UPRT: variants seen among roughly 807,000 people sequenced by gnomAD.
The protein encoded by UPRT is RP11-311P8.3.
UPRT carries 5 observed loss-of-function variants against 22.6 expected under a neutral mutation model. That is an observed-to-expected ratio of 0.22 (90% CI 0.12 to 0.47). UPRT has a LOEUF of 0.47. Among genes scored for constraint, UPRT ranks in the 20% least tolerant of loss-of-function variants. UPRT has a pLI of 0.99. For synonymous variants in UPRT, 77 were observed against 87.7 expected (o/e 0.88, Z 0.68); for missense variants, 181 against 239.9 (o/e 0.75, Z 1.62).
chrX:75,247,920 T>G (rs1326068891), intron 4 of UPRT, among the ~76,000 whole-genome samples: 1 of 111,832 alleles, frequency 8.9e-6, no homozygotes, highest in Non-Finnish European at 1.9e-5. Flanking sequence ...TTCACCAATA[T>G]CCGCTGTTCT....
chrX:75,240,804 A>C (rs2082486094), intron 4 of UPRT, among the ~76,000 whole-genome samples: 1 of 111,673 alleles, frequency 9.0e-6, no homozygotes, highest in Admixed American at 9.6e-5. Flanking sequence ...ATATTTAACA[A>C]AGCAAACAAA....
intron 4 of UPRT, among the ~76,000 whole-genome samples, chrX:75,172,905 G>A (rs927655890): frequency 2.7e-5 from 3 of 111,108 alleles, no homozygotes; most frequent in East Asian, 2.8e-4. Flanking sequence ...TGTAAAGAGC[G>A]AAAGAACAAA....
Position 75,303,906 on chromosome X carries a change from G to C in UPRT, c.*395G>C, listed in dbSNP as rs1274801037. 1 of 125,981 alleles carries C rather than the reference G, an allele frequency of 7.9e-6. No individual in the cohort carries two copies. Among genetic ancestry groups the C allele is most frequent in the Non-Finnish European group, 1.6e-5 (1 of 63,319 alleles). The allele number at this position is 125,981 out of a possible 1,213,427, so 10.4% of individuals were successfully genotyped here. On this transcript the variant is annotated 3_prime_UTR_variant, in exon 7 of 7. Transcript: ENST00000373383. ...TTAGTTTGGTTTTAGCTCTACTAAG[G>C]TTTCACATATGTGGCTATTGCCACA...
chrX:75,224,449 A>G (rs1490889618), intron 4 of UPRT, among the ~76,000 whole-genome samples: 1 of 109,549 alleles, frequency 9.1e-6, no homozygotes, highest in Non-Finnish European at 1.9e-5. Flanking sequence ...AGTGACCTCT[A>G]TCTCCCTTCC....
At chrX:75,253,217 AAAAC>A (rs943482916) in intron 4 of UPRT, among the ~76,000 whole-genome samples, 2 of 112,204 alleles carry the variant, frequency 1.8e-5, no homozygotes, top group East Asian at 5.6e-4. Flanking sequence ...AAAAAGAATA[AAAAC>A]AAACAACCCA....
At chrX:75,167,734 G>GT (rs1369521348) in intron 3 of UPRT, among the ~76,000 whole-genome samples, 1 of 107,673 alleles carries the variant, frequency 9.3e-6, no homozygotes, top group South Asian at 4.0e-4. Context: ...TTTTAACAGG[G>GT]TTTTTTGGTT....
intron 4 of UPRT, among the ~76,000 whole-genome samples, chrX:75,215,276 C>T (rs1266173614): frequency 9.6e-6 from 1 of 104,165 alleles, no homozygotes; most frequent in East Asian, 3.0e-4. Flanking sequence ...AAAAAAGACA[C>T]AAAATCAATA....
intron 4 of UPRT, among the ~76,000 whole-genome samples, chrX:75,251,158 G>T (rs746492924): frequency 2.7e-5 from 3 of 111,284 alleles, no homozygotes; most frequent in African/African-American, 9.8e-5. Context: ...GTACAAGTCA[G>T]GGATGCCCTC....
At chrX:75,266,840 CTCA>C (rs906205683) in intron 4 of UPRT, among the ~76,000 whole-genome samples, 2 of 111,567 alleles carry the variant, frequency 1.8e-5, no homozygotes, top group African/African-American at 6.5e-5. Context: ...TGAAAAAATG[CTCA>C]TCATCCCTAG....
intron 1 of UPRT, among the ~76,000 whole-genome samples, chrX:75,280,945 T>C (rs1472607950): frequency 2.7e-5 from 3 of 111,397 alleles, no homozygotes; most frequent in African/African-American, 9.8e-5. Flanking sequence ...CTATTATTTC[T>C]TTCAGCAGTG....
chrX:75,261,707 G>T lies in UPRT; in HGVS notation c.-446-29317G>T, dbSNP rs185112044. On this transcript the variant is annotated intron_variant, in intron 4 of 13. Transcript: ENST00000652605. Reference sequence around the variant, plus strand: ...ATCATCCTGATACCAAAGCCTGGCAGAGATACAATAAACAAAAGAGAATTT... The same window carrying T: ...ATCATCCTGATACCAAAGCCTGGCATAGATACAATAAACAAAAGAGAATTT... Among the ~76,000 whole-genome samples the T allele has an allele frequency of 7.2e-5, 8 of 111,787 alleles. No homozygotes were observed. In the East Asian group the frequency reaches 2.2e-3, roughly 31 times the overall value.
At chrX:75,282,342 G>A (rs1368426489) in intron 1 of UPRT, among the ~76,000 whole-genome samples, 1 of 110,163 alleles carries the variant, frequency 9.1e-6, no homozygotes, top group Non-Finnish European at 1.9e-5. Flanking sequence ...GTTCCTTGAG[G>A]TGTGACCTTA....
Position 75,178,330 on chromosome X carries a change from C to T in UPRT, c.-447+10451C>T, listed in dbSNP as rs6647655. On this transcript the variant is annotated intron_variant, in intron 4 of 13. Coordinates refer to the UPRT transcript ENST00000652605. ...GACAGAATAGCAAGTGAAAGGGGTC[C>T]GATGGTACTCACTGCTTGGCGATAG... Among the ~76,000 whole-genome samples the T allele has an allele frequency of 0.081, 9,055 of 111,344 alleles. 1,252 individuals carry two copies. The East Asian group carries it at 0.89, about 11-fold the overall frequency.
intron 6 of UPRT, 61 bp from the exon 7 acceptor site, chrX:75,303,344 T>C: frequency 1.1e-6 from 1 of 914,533 alleles, no homozygotes; most frequent in East Asian, 3.2e-5. Flanking sequence ...ACTACAAAAT[T>C]CCTGAATTAC....
At chrX:75,206,816 C>A (rs1414689269) in intron 4 of UPRT, among the ~76,000 whole-genome samples, 2 of 111,208 alleles carry the variant, frequency 1.8e-5, no homozygotes, top group Non-Finnish European at 3.8e-5. Flanking sequence ...AGGTGCCCAC[C>A]ACCATGCCTG....
At chrX:75,178,403 A>T (rs1310861043) in intron 4 of UPRT, among the ~76,000 whole-genome samples, 2 of 111,591 alleles carry the variant, frequency 1.8e-5, no homozygotes, top group Admixed American at 9.5e-5. Context: ...ACCGCTTGGC[A>T]ATTGTCTCAC....
chrX:75,291,728 G>A (rs1184692898), intron 1 of UPRT, among the ~76,000 whole-genome samples: 1 of 111,369 alleles, frequency 9.0e-6, no homozygotes, highest in South Asian at 3.8e-4. Context: ...TCTGAAGTCC[G>A]TCTATACAGC....
At chrX:75,189,629 A>G (rs770780023) in intron 4 of UPRT, among the ~76,000 whole-genome samples, 1 of 111,877 alleles carries the variant, frequency 8.9e-6, no homozygotes, top group South Asian at 3.8e-4. Flanking sequence ...GTCTCTTTAC[A>G]TGTCTCTAAG....
At chrX:75,264,494 T>C (rs912933175) in intron 4 of UPRT, among the ~76,000 whole-genome samples, 20 of 111,615 alleles carry the variant, frequency 1.8e-4, no homozygotes, top group Non-Finnish European at 3.8e-4. Flanking sequence ...TCTTTGTCTC[T>C]TTTGATCTTT....
Sources: gnomAD v4.1 joint callset for allele counts (sites outside exome capture counted in the v4.1 genomes callset) on GRCh38, gnomAD v4.1.1 for gene constraint, MANE v1.5 for transcripts, NCBI Gene and HGNC (gene_info 2026-07-23, HGNC 2026-07-21) for gene names.